DCTN4: variants seen among roughly 807,000 people sequenced by gnomAD.
The protein encoded by DCTN4 is dynactin 4 (p62).
DCTN4 carries 23 observed loss-of-function variants against 62.7 expected under a neutral mutation model. The ratio of observed to expected loss-of-function variants is 0.37; its 90% CI spans 0.26 to 0.52. The LOEUF is 0.52. Ranked by LOEUF, DCTN4 falls within the 20% of genes least tolerant of loss-of-function variation. DCTN4 has a pLI of 0.92. For missense variants in DCTN4, 514 were observed against 580.4 expected (o/e 0.89, Z 1.18); for synonymous variants, 199 against 202.1 (o/e 0.98, Z 0.13).
chr5:150,710,287 C>T lies in DCTN4; in HGVS notation c.*862G>A, dbSNP rs1470297686. 2 of 152,270 alleles carry T rather than the reference C, an allele frequency of 1.3e-5. No homozygotes were observed. Among genetic ancestry groups the T allele is most frequent in the East Asian group, 1.9e-4 (1 of 5,344 alleles). 9.4% of individuals were successfully genotyped at this position (152,270 alleles called of 1,614,324 possible). The stretch of plus-strand genomic sequence containing the variant: ...GTTCTTTTCCAGGTCCCAAACAGAA[C>T]AACTTAACTGAGTTAAAGAGGCAGA... On this transcript the variant is annotated 3_prime_UTR_variant, in exon 13 of 13. Transcript: ENST00000447998.
intron 8 of DCTN4, among the ~76,000 whole-genome samples, chr5:150,726,103 C>T (rs952375701): frequency 6.6e-6 from 1 of 151,764 alleles, no homozygotes; most frequent in Non-Finnish European, 1.5e-5. Flanking sequence ...ATCAAACCAA[C>T]GAGATGCAGG....
intron 12 of DCTN4, among the ~76,000 whole-genome samples, chr5:150,715,011 A>T (rs746295480): frequency 6.6e-6 from 1 of 152,162 alleles, no homozygotes; most frequent in South Asian, 2.1e-4. Flanking sequence ...CAAGTGAACA[A>T]TTATTTATAT....
At chr5:150,715,205 G>A (rs1214341726) in intron 12 of DCTN4, among the ~76,000 whole-genome samples, 1 of 152,096 alleles carries the variant, frequency 6.6e-6, no homozygotes, top group Non-Finnish European at 1.5e-5. Flanking sequence ...TCTAGGGACA[G>A]AGTATTGTAT....
At chr5:150,719,527 CT>C (rs1209095889) in intron 10 of DCTN4, among the ~76,000 whole-genome samples, 188 bp downstream of exon 10, 1 of 152,176 alleles carries the variant, frequency 6.6e-6, no homozygotes, top group Non-Finnish European at 1.5e-5. Context: ...CTTCTCCCTA[CT>C]TTTCATCAGA....
intron 5 of DCTN4, among the ~76,000 whole-genome samples, chr5:150,732,159 A>AT (rs1053993976): frequency 2.0e-5 from 3 of 151,884 alleles, no homozygotes; most frequent in East Asian, 1.9e-4. Flanking sequence ...TCTAATCTAG[A>AT]TTTTTTTTGA....
At chr5:150,757,043 G>A (rs1359617339) in intron 1 of DCTN4, among the ~76,000 whole-genome samples, 2 of 152,034 alleles carry the variant, frequency 1.3e-5, no homozygotes, top group African/African-American at 2.4e-5. Context: ...TTAAAAAACT[G>A]GAGTCTAAAA....
At chr5:150,727,555 T>G (rs924222388) in intron 8 of DCTN4, among the ~76,000 whole-genome samples, 37 of 151,898 alleles carry the variant, frequency 2.4e-4, no homozygotes, top group African/African-American at 8.9e-4. Context: ...GGCGGGCGGA[T>G]CACGAGGTCA....
At chr5:150,729,274 C>A (rs762409409) in intron 8 of DCTN4, among the ~76,000 whole-genome samples, 1 of 151,694 alleles carries the variant, frequency 6.6e-6, no homozygotes, top group South Asian at 2.1e-4. Flanking sequence ...AATTTTCTAA[C>A]GTGTACAAAA....
chr5:150,725,117 C>T (rs1760094077), intron 8 of DCTN4, among the ~76,000 whole-genome samples: 1 of 146,780 alleles, frequency 6.8e-6, no homozygotes, highest in Admixed American at 6.9e-5. Flanking sequence ...GAGATCACGC[C>T]GCTGCACTCC....
chr5:150,724,372 G>A (rs1009273843), intron 8 of DCTN4, among the ~76,000 whole-genome samples: 2 of 151,960 alleles, frequency 1.3e-5, no homozygotes, highest in Admixed American at 1.3e-4. Flanking sequence ...AATATACCTT[G>A]CAAACTACTT....
At chr5:150,754,425 G>T (rs1379211285) in intron 2 of DCTN4, among the ~76,000 whole-genome samples, 1 of 152,208 alleles carries the variant, frequency 6.6e-6, no homozygotes, top group Admixed American at 6.5e-5. Context: ...TTTGTGGAAA[G>T]TATACAAAAC....
chr5:150,742,084 A>G (rs1324471423), intron 4 of DCTN4, 30 bp downstream of exon 4: 1 of 1,610,236 alleles, frequency 6.2e-7, no homozygotes, highest in Non-Finnish European at 8.5e-7. Context: ...TTCCGATTTC[A>G]TCCTCTCTCT....
At chr5:150,735,754 T>C (rs199943979) in intron 4 of DCTN4, among the ~76,000 whole-genome samples, 10 of 150,476 alleles carry the variant, frequency 6.6e-5, no homozygotes, top group South Asian at 2.1e-4. Context: ...CAAGGTTCTT[T>C]AACACCCCAA....
intron 9 of DCTN4, among the ~76,000 whole-genome samples, chr5:150,722,599 C>G (rs1014851233): frequency 3.3e-5 from 5 of 152,108 alleles, no homozygotes; most frequent in African/African-American, 1.2e-4. Context: ...AAGGATTATT[C>G]CCAAACTCAG....
At chr5:150,739,833 C>T (rs980460090) in intron 4 of DCTN4, among the ~76,000 whole-genome samples, 1 of 152,158 alleles carries the variant, frequency 6.6e-6, no homozygotes, top group Non-Finnish European at 1.5e-5. Flanking sequence ...GGGGAAAGGA[C>T]ATCCTATTCA....
chr5:150,743,560 C>A (rs1319941257), intron 3 of DCTN4, among the ~76,000 whole-genome samples: 1 of 152,174 alleles, frequency 6.6e-6, no homozygotes, highest in Non-Finnish European at 1.5e-5. Flanking sequence ...CCAGTAGGGG[C>A]AGACTGACAC....
intron 12 of DCTN4, among the ~76,000 whole-genome samples, chr5:150,713,321 G>A (rs1759636102): frequency 6.6e-6 from 1 of 152,150 alleles, no homozygotes; most frequent in Non-Finnish European, 1.5e-5. Context: ...TGGGGTTAGG[G>A]TCTGGAATGC....
At chr5:150,711,450 C>G in intron 12 of DCTN4, 88 bp from the exon 13 acceptor site, 1 of 1,030,534 alleles carries the variant, frequency 9.7e-7, no homozygotes, top group East Asian at 2.5e-5. Context: ...TCACCTTATT[C>G]TTTCCTTCAG....
At position 150,718,374 on chromosome 5, in the gene DCTN4, C is replaced by T; in HGVS notation, c.973G>A (p.Val325Ile). Residue 325 changes from valine to isoleucine, a missense_variant, in exon 11 of 13, where the codon GTC (valine) becomes ATC (isoleucine). Physicochemically the swap from Val to Ile is conservative, Grantham distance 29. Coordinates refer to ENST00000447998, the MANE Select transcript of DCTN4 (RefSeq NM_016221.4). ...ACTGGATTTGTAAGAGTCAGGAGGA[C>T]CTGGCTCTCCTGGTGAATAGGAAAC... is the stretch of plus-strand genomic sequence containing the variant. The part of the protein sequence containing the change: ...PNLRYMKESQ[V>I]LLTLTNPVEN... The T allele has an allele frequency of 6.2e-7, 1 of 1,612,162 alleles. No homozygotes were observed. Among genetic ancestry groups the T allele is most frequent in the South Asian group, 1.1e-5 (1 of 90,988 alleles).
Sources: allele counts gnomAD v4.1 joint callset (sites outside exome capture counted in the v4.1 genomes callset), GRCh38; gene constraint gnomAD v4.1.1; transcripts MANE v1.5; gene names NCBI Gene and HGNC (gene_info 2026-07-23, HGNC 2026-07-21).